ZNF274: variants seen among roughly 807,000 people sequenced by gnomAD.
ZNF274 encodes zinc finger protein 274.
Under a neutral mutation model 42.5 loss-of-function variants are expected in ZNF274, and 23 were observed. The observed-to-expected ratio is 0.54, with a 90% confidence interval of 0.39 to 0.77. ZNF274 has a LOEUF of 0.77. Ranked by LOEUF, ZNF274 falls within the 30% of genes least tolerant of loss-of-function variation. The probability of loss-of-function intolerance (pLI) is 0.00; values close to 1 mark genes in which losing one functional copy is unlikely to be tolerated. For missense variants in ZNF274, 679 were observed against 806.5 expected, an observed-to-expected ratio of 0.84 and a Z score of 1.91; for synonymous variants, 292 against 305.4, an observed-to-expected ratio of 0.96 and a Z score of 0.46.
intron 2 of ZNF274, chr19:58,185,428 ATAAATAAATAAAT>A (rs1360219021): frequency 6.5e-6 from 1 of 153,186 alleles, no homozygotes; most frequent in Non-Finnish European, 1.5e-5. Flanking sequence ...TCTCAAAACA[ATAAATAAATAAAT>A]TAAATAAATA....
At chr19:58,188,009 G>A (rs1279924348) in intron 4 of ZNF274, among the ~76,000 whole-genome samples, 1 of 152,182 alleles carries the variant, frequency 6.6e-6, no homozygotes, top group African/African-American at 2.4e-5. Context: ...ACAGGCATGA[G>A]CCATTGTGCC....
rs1370190801 is a variant in ZNF274, at chr19:58,206,936, A to C, written c.473A>C (p.Glu158Ala). The change falls in exon 5 of 8, where the codon GAG becomes GCG. Residue 158 changes from glutamate (E) to alanine (A), a missense_variant. By Grantham distance (107) the Glu-to-Ala change is moderately radical. Coordinates refer to ENST00000617501, the MANE Select transcript of ZNF274 (RefSeq NM_133502.3). The part of the protein sequence containing the change: ...QQQGKHPGDP[E>A]AARQRFRQFR... The stretch of plus-strand genomic sequence containing the variant: ...CAGGGCAAGCATCCAGGTGACCCTG[A>C]GGCCGCGCGCCAGAGGTTCCGGCAG... The C allele has an allele frequency of 3.7e-6, 6 of 1,612,264 alleles. No homozygotes were observed. Among genetic ancestry groups the C allele is most frequent in the Non-Finnish European group, 4.2e-6 (5 of 1,179,154 alleles).
intron 2 of ZNF274, among the ~76,000 whole-genome samples, chr19:58,185,195 G>A (rs1337205845): frequency 4.0e-5 from 6 of 151,598 alleles, no homozygotes; most frequent in Non-Finnish European, 8.8e-5. Context: ...GGAGGCCGAG[G>A]CAGGCAGATC....
intron 4 of ZNF274, among the ~76,000 whole-genome samples, chr19:58,193,676 A>G (rs1273183280): frequency 1.3e-5 from 2 of 151,998 alleles, no homozygotes; most frequent in Admixed American, 1.3e-4. Context: ...CTGGAACCCC[A>G]ACACTTAGGG....
At chr19:58,206,381 T>C (rs2075978654) in intron 4 of ZNF274, among the ~76,000 whole-genome samples, 1 of 152,270 alleles carries the variant, frequency 6.6e-6, no homozygotes, top group Non-Finnish European at 1.5e-5. Context: ...TGGTGAACAT[T>C]CTTATAGAAG....
At chr19:58,204,572 T>C (rs2075959372) in intron 4 of ZNF274, among the ~76,000 whole-genome samples, 1 of 152,020 alleles carries the variant, frequency 6.6e-6, no homozygotes, top group Non-Finnish European at 1.5e-5. Flanking sequence ...GAAAGATGCT[T>C]CCGCCCGAGC....
intron 4 of ZNF274, among the ~76,000 whole-genome samples, chr19:58,193,593 C>T (rs2075804278): frequency 6.6e-6 from 1 of 151,724 alleles, no homozygotes; most frequent in South Asian, 2.1e-4. Flanking sequence ...GCTGGGACTA[C>T]AGGACTGTGC....
chr19:58,203,143 C>T (rs1010972825), intron 4 of ZNF274, among the ~76,000 whole-genome samples: 6 of 152,138 alleles, frequency 3.9e-5, no homozygotes, highest in African/African-American at 7.2e-5. Context: ...GTACTGGTGG[C>T]CCAGTGCTGG....
At chr19:58,209,168 A>T (rs555093203) in intron 5 of ZNF274, 1 of 152,278 alleles carries the variant, frequency 6.6e-6, no homozygotes, top group Admixed American at 6.5e-5. Context: ...TGGCTTCATC[A>T]TGGGCAGGCT....
In ZNF274 at chr19:58,212,688, G is replaced by T; in HGVS notation, c.1507G>T (p.Gly503Trp). The T allele has an allele frequency of 2.5e-6, 4 of 1,613,976 alleles. No individual in the cohort carries two copies. The highest frequency in any genetic ancestry group is 3.4e-6 in the Non-Finnish European group (4 of 1,179,892). The change falls in exon 8 of 8, where the codon GGG becomes TGG. Residue 503 changes from glycine to tryptophan, a missense_variant. Gly to Trp is a radical substitution (Grantham distance 184). Coordinates refer to ENST00000617501, the MANE Select transcript of ZNF274 (RefSeq NM_133502.3). The surrounding 1 kb of genome is among the most constrained non-coding windows in gnomAD (Gnocchi z 4.6). ...GATTACGTTTATAAGAATTCACAAGGGGAGCCAAGTTTGCCGATGCAGTGA... is the reference window on the plus strand; with the variant it reads ...GATTACGTTTATAAGAATTCACAAGTGGAGCCAAGTTTGCCGATGCAGTGA... ...KQITFIRIHK[G>W]SQVCRCSECG...
intron 4 of ZNF274, among the ~76,000 whole-genome samples, chr19:58,201,824 T>G (rs1476592485): frequency 6.6e-6 from 1 of 152,104 alleles, no homozygotes; most frequent in Non-Finnish European, 1.5e-5. Flanking sequence ...ATATTTCTTT[T>G]GTGTATGGTG....
rs761536605 is a variant in ZNF274 at position 58,210,038 on chromosome 19, G to A, written c.817G>A (p.Asp273Asn). ...TGCCCAGCAGGAGGAGAAGCAGGAG[G>A]ATGCAGCCATCTGCCCAGTGACAGT... ...VTAQQEEKQE[D>N]AAICPVTVLP... The change falls in exon 6 of 8, where the codon GAT becomes AAT. Residue 273 changes from aspartate to asparagine, a missense_variant. By Grantham distance (23) the Asp-to-Asn change is conservative. Coordinates refer to ENST00000617501, the MANE Select transcript of ZNF274 (RefSeq NM_133502.3). The A allele has an allele frequency of 3.1e-6, 5 of 1,613,808 alleles. No individual in the cohort carries two copies. In the South Asian group the frequency reaches 3.3e-5, roughly 11 times the overall value.
chr19:58,212,963 G>C lies in ZNF274; in HGVS notation c.1782G>C (p.Gln594His), dbSNP rs377448486. 30 of 1,613,880 alleles carry C rather than the reference G, an allele frequency of 1.9e-5. No individual in the cohort carries two copies. In the African/African-American group the frequency reaches 3.1e-4, roughly 17 times the overall value. The change falls in exon 8 of 8, where the codon CAG (glutamine) becomes CAC (histidine). Residue 594 changes from glutamine (Q) to histidine (H), a missense_variant. Transcript: ENST00000617501. This position sits in a 1 kb window ranked among gnomAD's most constrained non-coding sequence, Gnocchi z 4.6. ...CTGGCGCTAAGCCCTACAAGTGTCA[G>C]GACTGTGGAAAAGCCTTCCGCCAGA... is the stretch of plus-strand genomic sequence containing the variant. ...THTGAKPYKC[Q>H]DCGKAFRQSS...
intron 4 of ZNF274, 23 bp downstream of exon 4, chr19:58,187,065 C>T: frequency 1.9e-6 from 3 of 1,595,676 alleles, no homozygotes; most frequent in Non-Finnish European, 2.6e-6. Context: ...CATGGGAAGC[C>T]CCCACAGGGA....
intron 4 of ZNF274, among the ~76,000 whole-genome samples, chr19:58,188,714 A>G (rs74913764): frequency 0.012 from 1,481 of 127,552 alleles, 28 homozygotes; most frequent in African/African-American, 0.023. Context: ...ATATATATAT[A>G]TATATATATA....
chr19:58,202,324 A>G (rs2075922862), intron 4 of ZNF274: 1 of 152,302 alleles, frequency 6.6e-6, no homozygotes, highest in Admixed American at 6.5e-5. Context: ...ATCCTGAGAG[A>G]AGAAAATAGT....
chr19:58,183,739 C>G, intron 1 of ZNF274, 182 bp from the exon 2 acceptor site: 1 of 528,078 alleles, frequency 1.9e-6, no homozygotes, highest in African/African-American at 1.9e-5. Flanking sequence ...GGTGTCCTCT[C>G]GGGGAGGGGA....
At chr19:58,201,034 TCTCA>T (rs1292685989) in intron 4 of ZNF274, among the ~76,000 whole-genome samples, 3 of 151,148 alleles carry the variant, frequency 2.0e-5, no homozygotes, top group Non-Finnish European at 2.9e-5. Context: ...GGAGACACGG[TCTCA>T]CTCTCACCTA....
At chr19:58,201,134 A>G (rs925733542) in intron 4 of ZNF274, among the ~76,000 whole-genome samples, 1 of 150,710 alleles carries the variant, frequency 6.6e-6, no homozygotes, top group Admixed American at 6.6e-5. Flanking sequence ...CTTCCTGAGT[A>G]GCCAGGACTA....
Sources: allele counts gnomAD v4.1 joint callset (sites outside exome capture counted in the v4.1 genomes callset), GRCh38; gene constraint gnomAD v4.1.1; non-coding constraint Gnocchi (gnomAD v3.1); transcripts MANE v1.5; gene names NCBI Gene and HGNC (gene_info 2026-07-23, HGNC 2026-07-21).